Variants in DEFB119 observed in about 807,000 individuals in gnomAD.
DEFB119 encodes the protein defensin beta 119.
In DEFB119, 3 loss-of-function variants were observed where a neutral mutation model predicts 2.5. The observed-to-expected ratio is 1.19, with a 90% CI of 0.54 to 3.07. The LOEUF (loss-of-function observed/expected upper bound fraction) is 3.07, where lower values mean the gene tolerates loss of function less well. Among genes scored for constraint, DEFB119 ranks in the 30% most tolerant of loss-of-function variants. The probability of loss-of-function intolerance (pLI) is 0.03; values close to 1 mark genes in which losing one functional copy is unlikely to be tolerated. For missense variants in DEFB119, 113 were observed against 101.1 expected, an observed-to-expected ratio of 1.12 and a Z score of -0.50; for synonymous variants, 29 against 33.7, an observed-to-expected ratio of 0.86 and a Z score of 0.48.
rs149638804 is a variant in DEFB119 at position 31,389,197 on chromosome 20, A to C, written c.61+1226T>G. The C allele has an allele frequency of 1.1e-3, 1,754 of 1,614,200 alleles. 8 individuals carry two copies. The Middle Eastern group carries it at 0.015, about 14-fold the overall frequency. On this transcript the variant is annotated intron_variant, in intron 1 of 1. Transcript: ENST00000376321. The stretch of plus-strand genomic sequence containing the variant: ...GATGCTGTCTTCACCATCTTTGCAC[A>C]ACAACCGGCAGTGTCCATCCATCCA...
At chr20:31,381,854 A>G (rs1380600548) in intron 1 of DEFB119, among the ~76,000 whole-genome samples, 1 of 152,190 alleles carries the variant, frequency 6.6e-6, no homozygotes, top group African/African-American at 2.4e-5. Flanking sequence ...AGAAATAGCC[A>G]ATCACAAACT....
intron 1 of DEFB119, among the ~76,000 whole-genome samples, chr20:31,389,624 C>G (rs1301561612): frequency 6.6e-6 from 1 of 152,112 alleles, no homozygotes; most frequent in African/African-American, 2.4e-5. Flanking sequence ...TACACAGACC[C>G]TGTTTCTTAT....
chr20:31,387,058 C>T (rs532847325), intron 1 of DEFB119, among the ~76,000 whole-genome samples: 16 of 152,170 alleles, frequency 1.1e-4, no homozygotes, highest in Admixed American at 6.5e-4. Context: ...CCACCTGCCT[C>T]GGCCTCCCAA....
At chr20:31,387,624 A>G (rs1986757045) in intron 1 of DEFB119, among the ~76,000 whole-genome samples, 2 of 152,090 alleles carry the variant, frequency 1.3e-5, no homozygotes, top group Non-Finnish European at 1.5e-5. Context: ...AGCTCTGCCC[A>G]CAGACCCTGC....
intron 1 of DEFB119, among the ~76,000 whole-genome samples, chr20:31,385,739 G>A (rs117224347): frequency 3.3e-5 from 5 of 151,960 alleles, no homozygotes; most frequent in African/African-American, 7.3e-5. Flanking sequence ...GCATGGTAGC[G>A]CACACGTGTA....
At chr20:31,382,804 T>C (rs541770368) in intron 1 of DEFB119, among the ~76,000 whole-genome samples, 1 of 152,220 alleles carries the variant, frequency 6.6e-6, no homozygotes. Context: ...CAGATGTAAA[T>C]AAAACATCAT....
At chr20:31,378,117 T>C (rs1215958736) in intron 1 of DEFB119, among the ~76,000 whole-genome samples, 2 of 152,200 alleles carry the variant, frequency 1.3e-5, no homozygotes, top group African/African-American at 4.8e-5. Context: ...ATAGGAATCA[T>C]GTGGGAAGCC....
chr20:31,386,810 C>CTTTTTTTTTTTTTTTT (rs148428945), intron 1 of DEFB119, among the ~76,000 whole-genome samples: 1 of 108,904 alleles, frequency 9.2e-6, no homozygotes, highest in African/African-American at 4.0e-5. Flanking sequence ...TTTTCTTTTT[C>CTTTTTTTTTTTTTTTT]TTTTTTTTTT....
chr20:31,377,816 G>A (rs1256944590), intron 1 of DEFB119, among the ~76,000 whole-genome samples: 1 of 152,168 alleles, frequency 6.6e-6, no homozygotes, highest in Non-Finnish European at 1.5e-5. Context: ...ACAAACGAGT[G>A]CAGACATAGA....
rs548746221 is a variant in DEFB119 at position 31,387,240 on chromosome 20, A to G, written c.61+3183T>C. On this transcript the variant is annotated intron_variant, in intron 1 of 1. Transcript: ENST00000376321. ...ACACTTTCTATACGTTTATTGAACT[A>G]TCACACTGTACACCATAAATATGTG... Among the ~76,000 whole-genome samples, 8 of 152,326 alleles carry G rather than the reference A, an allele frequency of 5.3e-5. No individual in the cohort carries two copies. In the East Asian group the frequency reaches 1.3e-3, roughly 26 times the overall value.
At chr20:31,385,048 C>T (rs1419194590) in intron 1 of DEFB119, among the ~76,000 whole-genome samples, 1 of 152,202 alleles carries the variant, frequency 6.6e-6, no homozygotes, top group East Asian at 1.9e-4. Context: ...GAATGTGAAT[C>T]CACAATACAA....
intron 1 of DEFB119, among the ~76,000 whole-genome samples, chr20:31,389,408 G>A (rs536292783): frequency 4.6e-5 from 7 of 152,258 alleles, no homozygotes; most frequent in Non-Finnish European, 7.4e-5. Context: ...AGAGAACTGA[G>A]ACAATGGTTC....
At chr20:31,377,745 G>C (rs574291880) in intron 1 of DEFB119, among the ~76,000 whole-genome samples, 2 of 152,248 alleles carry the variant, frequency 1.3e-5, no homozygotes, top group African/African-American at 4.8e-5. Context: ...TGAATTCCCT[G>C]GGTTTTCTTT....
At chr20:31,381,147 A>C (rs1017212336) in intron 1 of DEFB119, among the ~76,000 whole-genome samples, 1 of 152,198 alleles carries the variant, frequency 6.6e-6, no homozygotes, top group Non-Finnish European at 1.5e-5. Flanking sequence ...TTAGATGTAC[A>C]CTTAAGTGTT....
At chr20:31,378,256 C>T (rs907684487) in intron 1 of DEFB119, 3 of 1,583,720 alleles carry the variant, frequency 1.9e-6, no homozygotes, top group Non-Finnish European at 2.6e-6. Context: ...CCACCACTCC[C>T]TGAGATGTGA....
intron 1 of DEFB119, chr20:31,378,479 A>G: frequency 6.3e-7 from 1 of 1,578,812 alleles, no homozygotes; most frequent in Non-Finnish European, 8.6e-7. Context: ...TCCGCGTTCC[A>G]GCAAAAATTA....
rs150443667 is a variant in DEFB119, at chr20:31,389,150, G to A, written c.61+1273C>T. The A allele has an allele frequency of 3.7e-5, 59 of 1,614,198 alleles. No individual in the cohort carries two copies. In the African/African-American group the frequency reaches 5.5e-4, roughly 15 times the overall value. ...AAATAACGACTAGGAACACAGCACC[G>A]TTTACGATTTCGGCAGCGTATGATG... On this transcript the variant is annotated intron_variant, in intron 1 of 1. Transcript: ENST00000376321.
intron 1 of DEFB119, among the ~76,000 whole-genome samples, chr20:31,384,847 T>C (rs1001977021): frequency 1.3e-5 from 2 of 152,234 alleles, no homozygotes; most frequent in African/African-American, 4.8e-5. Context: ...AGAACAGTAA[T>C]GATCATTATC....
intron 1 of DEFB119, among the ~76,000 whole-genome samples, chr20:31,390,069 T>C (rs1319232479): frequency 6.6e-6 from 1 of 151,472 alleles, no homozygotes; most frequent in African/African-American, 2.4e-5. Flanking sequence ...CTTCTATCAC[T>C]CCAATCCCAA....
Sources: allele counts gnomAD v4.1 joint callset (sites outside exome capture counted in the v4.1 genomes callset), GRCh38; gene constraint gnomAD v4.1.1; transcripts MANE v1.5; gene names NCBI Gene and HGNC (gene_info 2026-07-23, HGNC 2026-07-21).